Variants in ABCC9 observed in about 807,000 individuals in gnomAD.
ABCC9 encodes ATP-binding cassette sub-family C member 9.
In ABCC9, 95 loss-of-function variants were observed where a neutral mutation model predicts 188.3. The ratio of observed to expected loss-of-function variants is 0.50; its 90% CI spans 0.43 to 0.60. ABCC9 has a LOEUF of 0.60. Ranked by LOEUF, ABCC9 falls within the 20% of genes least tolerant of loss-of-function variation. ABCC9 has a pLI of 0.00. For missense variants in ABCC9, 1,102 were observed against 1,876.3 expected (o/e 0.59, Z 7.62); for synonymous variants, 659 against 652.7 (o/e 1.01, Z -0.15).
chr12:21,894,634 C>T (rs1375987345), intron 13 of ABCC9, among the ~76,000 whole-genome samples: 10 of 71,016 alleles, frequency 1.4e-4, no homozygotes, highest in African/African-American at 4.5e-4. Flanking sequence ...TTTTGAGACA[C>T]GGTATCACTT....
At chr12:21,823,954 G>C (rs73070684) in intron 31 of ABCC9, among the ~76,000 whole-genome samples, 10,273 of 152,232 alleles carry the variant, frequency 0.067, 417 homozygotes, top group East Asian at 0.11. Context: ...TTTATGATTT[G>C]AGTGTGTTAT....
intron 25 of ABCC9, 85 bp from the exon 26 acceptor site, chr12:21,845,917 T>A (rs1944641747): frequency 1.0e-6 from 1 of 987,410 alleles, no homozygotes; most frequent in Admixed American, 2.0e-5. Flanking sequence ...TATATAAACA[T>A]TCATACATTT....
chr12:21,834,574 A>G (rs1229457233), intron 30 of ABCC9, among the ~76,000 whole-genome samples: 2 of 152,018 alleles, frequency 1.3e-5, no homozygotes, highest in Non-Finnish European at 1.5e-5. Context: ...AGGGCCTTTA[A>G]TGGCCTCTAG....
chr12:21,829,435 T>G (rs939492270), intron 30 of ABCC9, among the ~76,000 whole-genome samples: 5 of 152,072 alleles, frequency 3.3e-5, no homozygotes, highest in Admixed American at 2.6e-4. Context: ...TCTCCTGACC[T>G]TGTGATCCGC....
chr12:21,900,978 G>T (rs996812259), intron 12 of ABCC9, among the ~76,000 whole-genome samples: 1 of 152,122 alleles, frequency 6.6e-6, no homozygotes, highest in African/African-American at 2.4e-5. Context: ...TCCTCGAGAA[G>T]AGCAACTCCA....
At chr12:21,803,568 T>A (rs1205214121) in intron 39 of ABCC9, among the ~76,000 whole-genome samples, 1 of 149,544 alleles carries the variant, frequency 6.7e-6, no homozygotes, top group Non-Finnish European at 1.5e-5. Context: ...GACAGGAGAA[T>A]CGTTTGAACC....
intron 35 of ABCC9, 33 bp downstream of exon 35, chr12:21,814,608 CAAG>C: frequency 6.5e-7 from 1 of 1,542,722 alleles, no homozygotes; most frequent in Non-Finnish European, 9.0e-7. Context: ...AGGAAAGCAC[CAAG>C]TGGCCACTTA....
chr12:21,822,749 C>T (rs1943127548), intron 31 of ABCC9, among the ~76,000 whole-genome samples: 1 of 148,766 alleles, frequency 6.7e-6, no homozygotes, highest in African/African-American at 2.5e-5. Context: ...TGAGATCATG[C>T]CACTGCACTC....
At chr12:21,823,259 T>TTG (rs1320932213) in intron 31 of ABCC9, among the ~76,000 whole-genome samples, 1 of 152,222 alleles carries the variant, frequency 6.6e-6, no homozygotes, top group Non-Finnish European at 1.5e-5. Flanking sequence ...AGAGGTCTCT[T>TTG]TTCAGATTTC....
At chr12:21,872,171 G>A (rs1209007070) in intron 18 of ABCC9, among the ~76,000 whole-genome samples, 1 of 151,976 alleles carries the variant, frequency 6.6e-6, no homozygotes, top group African/African-American at 2.4e-5. Flanking sequence ...TTAAGTATAA[G>A]GATAAATAGT....
At chr12:21,920,689 A>ACATC (rs1948778988) in intron 5 of ABCC9, among the ~76,000 whole-genome samples, 1 of 151,984 alleles carries the variant, frequency 6.6e-6, no homozygotes, top group Non-Finnish European at 1.5e-5. Context: ...TACCCATTAA[A>ACATC]CATCCCCATT....
intron 12 of ABCC9, among the ~76,000 whole-genome samples, chr12:21,901,822 C>T (rs1311261129): frequency 6.6e-6 from 1 of 152,150 alleles, no homozygotes; most frequent in African/African-American, 2.4e-5. Context: ...TAGAGACCTA[C>T]AAAGAGACTT....
intron 29 of ABCC9, among the ~76,000 whole-genome samples, chr12:21,840,934 T>C (rs997187595): frequency 6.6e-6 from 1 of 152,264 alleles, no homozygotes; most frequent in African/African-American, 2.4e-5. Context: ...TTCACCTTCC[T>C]TGCACTCAAG....
chr12:21,911,780 A>G (rs12366938), intron 8 of ABCC9, among the ~76,000 whole-genome samples: 43,895 of 151,836 alleles, frequency 0.29, 7,968 homozygotes, highest in Non-Finnish European at 0.39. Flanking sequence ...TGGTTAATAT[A>G]TGCAAGGGAG....
intron 7 of ABCC9, among the ~76,000 whole-genome samples, chr12:21,914,867 C>T (rs1948468975): frequency 2.6e-5 from 4 of 151,368 alleles, no homozygotes; most frequent in Admixed American, 2.6e-4. Context: ...ATCTGCTCTT[C>T]CTCAACCATA....
intron 14 of ABCC9, among the ~76,000 whole-genome samples, chr12:21,888,757 A>G (rs559022887): frequency 3.3e-5 from 5 of 152,162 alleles, no homozygotes; most frequent in Non-Finnish European, 5.9e-5. Context: ...AACCAGTGTC[A>G]TAGGATCAGG....
chr12:21,900,661 A>T (rs1382614314), intron 12 of ABCC9, among the ~76,000 whole-genome samples: 1 of 152,246 alleles, frequency 6.6e-6, no homozygotes, highest in African/African-American at 2.4e-5. Context: ...TACATGACGC[A>T]TGCACAAGCT....
intron 14 of ABCC9, among the ~76,000 whole-genome samples, chr12:21,893,689 A>T (rs1167597502): frequency 6.6e-6 from 1 of 152,190 alleles, no homozygotes; most frequent in Non-Finnish European, 1.5e-5. Flanking sequence ...AACATTCTAA[A>T]TGTTCAATTA....
intron 35 of ABCC9, among the ~76,000 whole-genome samples, chr12:21,812,888 G>A (rs1942354682): frequency 6.6e-6 from 1 of 152,038 alleles, no homozygotes; most frequent in Admixed American, 6.6e-5. Flanking sequence ...TACATATTTG[G>A]TGGTGATTTT....
Sources: gnomAD v4.1 joint callset for allele counts (sites outside exome capture counted in the v4.1 genomes callset) on GRCh38, gnomAD v4.1.1 for gene constraint, MANE v1.5 for transcripts, NCBI Gene and HGNC (gene_info 2026-07-23, HGNC 2026-07-21) for gene names.